SEC62: variants seen among roughly 807,000 people sequenced by gnomAD.
SEC62 encodes the protein SEC62 preprotein translocation factor.
Under a neutral mutation model 47.5 loss-of-function variants are expected in SEC62, and 10 were observed. The observed-to-expected ratio is 0.21, with a 90% CI of 0.13 to 0.36. SEC62 has a LOEUF of 0.36. Among genes scored for constraint, SEC62 ranks in the 10% least tolerant of loss-of-function variants. SEC62 has a pLI of 1.00. For synonymous variants in SEC62, 136 were observed against 150.5 expected (o/e 0.90, Z 0.71); for missense variants, 327 against 464.1 (o/e 0.70, Z 2.71).
At chr3:169,969,474 A>T (rs1472945228) in intron 1 of SEC62, 1 of 405,640 alleles carries the variant, frequency 2.5e-6, no homozygotes, top group Non-Finnish European at 5.0e-6. Context: ...GGTATCAAGA[A>T]ATTTTAGAGT....
intron 2 of SEC62, among the ~76,000 whole-genome samples, chr3:169,976,318 T>C (rs1714836159): frequency 6.6e-6 from 1 of 152,090 alleles, no homozygotes; most frequent in African/African-American, 2.4e-5. Flanking sequence ...CAGTTAACTA[T>C]GATCCCACCA....
At chr3:169,975,182 G>A (rs750725268) in intron 1 of SEC62, among the ~76,000 whole-genome samples, 34 of 151,498 alleles carry the variant, frequency 2.2e-4, no homozygotes, top group Non-Finnish European at 4.4e-4. Flanking sequence ...TTGGGAGGCT[G>A]AGGCAGGAGA....
Position 169,973,427 on chromosome 3 carries a change from T to C in SEC62, c.37-2181T>C, listed in dbSNP as rs576734136. On this transcript the variant is annotated intron_variant, in intron 1 of 7. Coordinates refer to ENST00000337002, the MANE Select transcript of SEC62 (RefSeq NM_003262.4). ...CTGTAATCCCAAGACTTTGGGAGAC[T>C]GAGGCATGCAGATTATCTGAGGTCA... 3.9e-5 allele frequency among the ~76,000 whole-genome samples: 6 copies of C among 152,310 alleles called. No individual in the cohort carries two copies. In the East Asian group the frequency reaches 1.2e-3, roughly 29 times the overall value.
chr3:169,994,891 A>G lies in SEC62; in HGVS notation c.*1828A>G, dbSNP rs896105210. ...TAAAGACATTTGGAGCATGGCCAAC[A>G]GGAAGGTCAGCTTCTTACTGATGTG... On this transcript the variant is annotated 3_prime_UTR_variant, in exon 8 of 8. Coordinates refer to ENST00000337002, the MANE Select transcript of SEC62 (RefSeq NM_003262.4). 1 of 152,206 alleles carries G rather than the reference A, an allele frequency of 6.6e-6. No individual in the cohort carries two copies. The highest frequency in any genetic ancestry group is 2.4e-5 in the African/African-American group (1 of 41,462). The allele number at this position is 152,206 out of a possible 1,614,324, so 9.4% of individuals were successfully genotyped here. A position where few individuals can be genotyped will look rare whatever the true frequency, so the allele number is the denominator to read the frequency against.
At position 169,975,599 on chromosome 3, in the gene SEC62, A is replaced by G; in HGVS notation, c.37-9A>G. 6.5e-7 allele frequency: 1 copy of G among 1,534,208 alleles called. No homozygotes were observed. Among genetic ancestry groups the G allele is most frequent in the Non-Finnish European group, 9.0e-7 (1 of 1,107,966 alleles). On this transcript the variant is annotated splice_polypyrimidine_tract_variant and intron_variant, in intron 1 of 7. Transcript: ENST00000337002. The stretch of plus-strand genomic sequence containing the variant: ...ATGATTATACTAAATTAATATTCAT[A>G]TGTTGCAGGAAGTTGGTGAACCATC...
At chr3:169,990,333 TTTGAATA>T (rs1211000640) in intron 7 of SEC62, among the ~76,000 whole-genome samples, 4 of 152,066 alleles carry the variant, frequency 2.6e-5, no homozygotes. Context: ...CTGGTGTTTC[TTTGAATA>T]TGCATTATTA....
intron 3 of SEC62, among the ~76,000 whole-genome samples, chr3:169,980,272 CAAG>C (rs1164397612): frequency 6.6e-6 from 1 of 151,654 alleles, no homozygotes; most frequent in Non-Finnish European, 1.5e-5. Flanking sequence ...ACCCAACAAA[CAAG>C]AGAAGAAAGG....
At chr3:169,981,479 G>A (rs1433032954) in intron 3 of SEC62, among the ~76,000 whole-genome samples, 1 of 152,190 alleles carries the variant, frequency 6.6e-6, no homozygotes, top group Non-Finnish European at 1.5e-5. Flanking sequence ...TGAGGTGTAA[G>A]TAGAAAGGTA....
chr3:169,986,602 GA>G (rs1043249417), intron 6 of SEC62, among the ~76,000 whole-genome samples: 8 of 152,034 alleles, frequency 5.3e-5, no homozygotes, highest in African/African-American at 1.9e-4. Flanking sequence ...TACTTATTTA[GA>G]AAAAAAGTCC....
intron 1 of SEC62, chr3:169,969,477 T>A (rs1184371690): frequency 4.9e-6 from 2 of 404,516 alleles, no homozygotes; most frequent in Non-Finnish European, 9.9e-6. Flanking sequence ...ATCAAGAAAT[T>A]TTAGAGTTTA....
Position 169,995,050 on chromosome 3 carries a change from T to C in SEC62, c.*1987T>C, listed in dbSNP as rs1486839681. ...AGTTTCTATTTTACTATTCAAGTTGTGTACTTTAAACAAATATAAAAATCA... is the reference window on the plus strand; with the variant it reads ...AGTTTCTATTTTACTATTCAAGTTGCGTACTTTAAACAAATATAAAAATCA... On this transcript the variant is annotated 3_prime_UTR_variant, in exon 8 of 8. Transcript: ENST00000337002. The C allele has an allele frequency of 6.6e-6, 1 of 152,234 alleles. No homozygotes were observed. Among genetic ancestry groups the C allele is most frequent in the Non-Finnish European group, 1.5e-5 (1 of 68,020 alleles). The allele number at this position is 152,234 out of a possible 1,614,324, so 9.4% of individuals were successfully genotyped here.
intron 6 of SEC62, among the ~76,000 whole-genome samples, chr3:169,987,478 T>G (rs1273576761): frequency 6.6e-6 from 1 of 152,150 alleles, no homozygotes; most frequent in South Asian, 2.1e-4. Flanking sequence ...TTGCTAGATA[T>G]TTTGCGTACA....
rs1559969771 is a variant in SEC62, at chr3:169,996,754, CTGCACTCTTCCT to C, written c.*3693_*3704del. 6.6e-6 allele frequency: 1 copy of C among 152,312 alleles called. No individual in the cohort carries two copies. The allele number at this position is 152,312 out of a possible 1,614,324, so 9.4% of individuals were successfully genotyped here. A position where few individuals can be genotyped will look rare whatever the true frequency, so the allele number is the denominator to read the frequency against. ...TCCCTGCTTTCCAGGTTGCCAGTCC[CTGCACTCTTCCT>C]TTCTGGCCAAGGATGATGTCAGTTC... On this transcript the variant is annotated 3_prime_UTR_variant, in exon 8 of 8. Coordinates refer to ENST00000337002, the MANE Select transcript of SEC62 (RefSeq NM_003262.4).
At position 169,993,498 on chromosome 3, in the gene SEC62, T is replaced by C. The variant is rs1220805625; in HGVS notation, c.*435T>C. ...GTTTCTTTAAGATGTGTAAACTCAT[T>C]GTCCTTGATAGTTTTTATTTTTCAT... On this transcript the variant is annotated 3_prime_UTR_variant, in exon 8 of 8. Coordinates refer to ENST00000337002, the MANE Select transcript of SEC62 (RefSeq NM_003262.4). 6.5e-6 allele frequency: 1 copy of C among 153,968 alleles called. No individual in the cohort carries two copies. The highest frequency in any genetic ancestry group is 1.4e-5 in the Non-Finnish European group (1 of 68,996). 9.5% of individuals were successfully genotyped at this position (153,968 alleles called of 1,614,324 possible). A position where few individuals can be genotyped will look rare whatever the true frequency, so the allele number is the denominator to read the frequency against.
chr3:169,977,422 T>G (rs1467735388), intron 3 of SEC62, among the ~76,000 whole-genome samples: 1 of 152,156 alleles, frequency 6.6e-6, no homozygotes, highest in Non-Finnish European at 1.5e-5. Flanking sequence ...ACCGCTACTT[T>G]TTTAGTGCCT....
intron 3 of SEC62, among the ~76,000 whole-genome samples, chr3:169,982,025 A>G (rs184249396): frequency 4.6e-5 from 7 of 152,342 alleles, no homozygotes; most frequent in African/African-American, 1.7e-4. Context: ...TATAAAATAT[A>G]GTAATAACTG....
chr3:169,975,364 G>T (rs1037210730), intron 1 of SEC62: 7 of 316,368 alleles, frequency 2.2e-5, no homozygotes, highest in African/African-American at 6.4e-5. Flanking sequence ...CAACTCAAAT[G>T]CCTCATAGTT....
At chr3:169,966,915 G>A (rs1404135237) in intron 1 of SEC62, 57 bp downstream of exon 1, 1 of 1,536,326 alleles carries the variant, frequency 6.5e-7, no homozygotes. Context: ...TGGAAGGGGC[G>A]GGGAAAGCCC....
chr3:169,977,906 TG>T (rs1189045175), intron 3 of SEC62, among the ~76,000 whole-genome samples: 1 of 152,238 alleles, frequency 6.6e-6, no homozygotes, highest in Non-Finnish European at 1.5e-5. Flanking sequence ...TTTCTTAAGC[TG>T]TCAAGTTAAA....
Sources: gnomAD v4.1 joint callset for allele counts (sites outside exome capture counted in the v4.1 genomes callset) on GRCh38, gnomAD v4.1.1 for gene constraint, MANE v1.5 for transcripts, NCBI Gene and HGNC (gene_info 2026-07-23, HGNC 2026-07-21) for gene names.